The following BTC variants were observed in gnomAD, a reference collection of about 807,000 sequenced individuals.
BTC encodes probetacellulin.
BTC carries 13 observed loss-of-function variants against 18.1 expected under a neutral mutation model. The observed-to-expected ratio is 0.72, with a 90% CI of 0.47 to 1.14. The LOEUF is 1.14. BTC is among the 50% of genes most tolerant of loss of function. The pLI, the probability that BTC is intolerant of heterozygous loss-of-function variation, is 0.00. For missense variants in BTC, 247 were observed against 224.2 expected, an observed-to-expected ratio of 1.10 and a Z score of -0.65; for synonymous variants, 83 against 79.4, an observed-to-expected ratio of 1.05 and a Z score of -0.24.
At chr4:74,793,227 C>G (rs911079811) in intron 1 of BTC, among the ~76,000 whole-genome samples, 37 of 152,178 alleles carry the variant, frequency 2.4e-4, no homozygotes, top group Admixed American at 2.4e-3. Flanking sequence ...TTTCTCTAAC[C>G]TTGGTCCTAA....
chr4:74,794,223 C>T, intron 1 of BTC, 39 bp downstream of exon 1: 3 of 1,549,692 alleles, frequency 1.9e-6, no homozygotes, highest in South Asian at 1.2e-5. Flanking sequence ...CAGCCCCAGA[C>T]TTTCCTCCTG....
intron 3 of BTC, among the ~76,000 whole-genome samples, chr4:74,751,176 G>A (rs1187064297): frequency 6.6e-6 from 1 of 152,094 alleles, no homozygotes; most frequent in East Asian, 1.9e-4. Flanking sequence ...GATCAAATGT[G>A]CTAATGCATG....
intron 2 of BTC, among the ~76,000 whole-genome samples, chr4:74,757,516 A>T (rs1222514306): frequency 6.6e-6 from 1 of 152,240 alleles, no homozygotes; most frequent in African/African-American, 2.4e-5. Flanking sequence ...TATCAAAGGC[A>T]AAGACCTCTG....
chr4:74,785,781 C>T (rs1202317851), intron 1 of BTC, among the ~76,000 whole-genome samples: 3 of 152,160 alleles, frequency 2.0e-5, no homozygotes, highest in Non-Finnish European at 4.4e-5. Flanking sequence ...AAACTATCAC[C>T]TCACACATAT....
intron 2 of BTC, among the ~76,000 whole-genome samples, chr4:74,765,611 A>T (rs915216855): frequency 6.6e-6 from 1 of 152,186 alleles, no homozygotes; most frequent in Non-Finnish European, 1.5e-5. Context: ...TAAGGAAAGA[A>T]ATGTACATAC....
chr4:74,761,489 A>G (rs1553957326), intron 2 of BTC, among the ~76,000 whole-genome samples: 1 of 152,124 alleles, frequency 6.6e-6, no homozygotes, highest in African/African-American at 2.4e-5. Context: ...CTCACTCCCA[A>G]CTGTCCAACT....
chr4:74,781,060 T>C (rs1725311032), intron 1 of BTC, among the ~76,000 whole-genome samples: 1 of 152,008 alleles, frequency 6.6e-6, no homozygotes, highest in African/African-American at 2.4e-5. Context: ...AACTTGATGG[T>C]CATGGCCCAC....
chr4:74,792,710 T>C (rs565635321), intron 1 of BTC, among the ~76,000 whole-genome samples: 6 of 152,344 alleles, frequency 3.9e-5, no homozygotes, highest in African/African-American at 1.2e-4. Context: ...CTTTACTAAA[T>C]GCTTTTTCCC....
rs1314485612 is a variant in BTC, at chr4:74,744,893, T to C, written c.*1784A>G. Reference sequence around the variant, plus strand: ...AAAAATCTTTGAAATTCTTTCTTGATATCAGATCTACCAAATTTCGAGAGC... The same window carrying C: ...AAAAATCTTTGAAATTCTTTCTTGACATCAGATCTACCAAATTTCGAGAGC... On this transcript the variant is annotated 3_prime_UTR_variant, in exon 6 of 6. Transcript: ENST00000395743. 6.6e-6 allele frequency: 1 copy of C among 152,240 alleles called. No individual in the cohort carries two copies. The highest frequency in any genetic ancestry group is 2.4e-5 in the African/African-American group (1 of 41,470). The allele number at this position is 152,240 out of a possible 1,614,324, so 9.4% of individuals were successfully genotyped here. A position where few individuals can be genotyped will look rare whatever the true frequency, so the allele number is the denominator to read the frequency against.
intron 2 of BTC, 87 bp downstream of exon 2, chr4:74,769,971 T>C (rs1345008376): frequency 1.8e-6 from 2 of 1,111,896 alleles, no homozygotes; most frequent in South Asian, 1.4e-5. Context: ...CCTTAATATA[T>C]GTTCAAATGT....
chr4:74,750,505 AAAG>A, intron 4 of BTC, 65 bp downstream of exon 4: 2 of 1,480,638 alleles, frequency 1.4e-6, no homozygotes, highest in East Asian at 4.6e-5. Flanking sequence ...AAGAGGAAGA[AAAG>A]AAGAAAAACT....
At chr4:74,788,840 T>A (rs1458018426) in intron 1 of BTC, among the ~76,000 whole-genome samples, 1 of 152,224 alleles carries the variant, frequency 6.6e-6, no homozygotes, top group Admixed American at 6.5e-5. Flanking sequence ...TCAGCTGCCA[T>A]CTTGGCAAGG....
At chr4:74,789,416 A>G (rs991408432) in intron 1 of BTC, among the ~76,000 whole-genome samples, 1 of 152,232 alleles carries the variant, frequency 6.6e-6, no homozygotes, top group Non-Finnish European at 1.5e-5. Context: ...AAGTTAAAAT[A>G]GTAATAATAC....
At chr4:74,750,863 G>A in intron 3 of BTC, 144 bp from the exon 4 acceptor site, 1 of 1,135,368 alleles carries the variant, frequency 8.8e-7, no homozygotes, top group Non-Finnish European at 1.3e-6. Flanking sequence ...GCACTACTTT[G>A]TTGACCAGTA....
chr4:74,781,499 T>C (rs983589676), intron 1 of BTC, among the ~76,000 whole-genome samples: 4 of 152,080 alleles, frequency 2.6e-5, no homozygotes, highest in Admixed American at 6.6e-5. Flanking sequence ...GCGTGGCCTC[T>C]TCTTTAGCCT....
At chr4:74,749,688 G>A (rs67891706) in intron 4 of BTC, among the ~76,000 whole-genome samples, 1 of 79,376 alleles carries the variant, frequency 1.3e-5, no homozygotes, top group African/African-American at 5.5e-5. Context: ...AGTTTTTTTT[G>A]TTGTTGTTGT....
chr4:74,782,208 A>T (rs578182018), intron 1 of BTC, among the ~76,000 whole-genome samples: 3 of 151,986 alleles, frequency 2.0e-5, no homozygotes, highest in African/African-American at 7.3e-5. Flanking sequence ...ACATCATCCC[A>T]TCACCTAGGT....
intron 1 of BTC, among the ~76,000 whole-genome samples, chr4:74,780,088 G>A (rs573609714): frequency 1.3e-5 from 2 of 152,244 alleles, no homozygotes; most frequent in South Asian, 2.1e-4. Flanking sequence ...CTGGAGTGAC[G>A]AATTATACAA....
At chr4:74,779,483 T>C (rs964536540) in intron 1 of BTC, among the ~76,000 whole-genome samples, 1 of 152,194 alleles carries the variant, frequency 6.6e-6, no homozygotes. Flanking sequence ...CATTCCTTTA[T>C]AATAAGGCCA....
Sources: allele counts gnomAD v4.1 joint callset (sites outside exome capture counted in the v4.1 genomes callset), GRCh38; gene constraint gnomAD v4.1.1; transcripts MANE v1.5; gene names NCBI Gene and HGNC (gene_info 2026-07-23, HGNC 2026-07-21).